Variants in KCNQ1 observed in about 807,000 individuals in gnomAD.
KCNQ1 encodes the protein potassium voltage-gated channel subfamily Q member 1, also known as potassium voltage-gated channel subfamily KQT member 1.
KCNQ1 carries 49 observed loss-of-function variants against 72.4 expected under a neutral mutation model. That is an observed-to-expected ratio of 0.68 (90% confidence interval 0.54 to 0.86). The LOEUF (loss-of-function observed/expected upper bound fraction) is 0.86. Ranked by LOEUF, KCNQ1 falls within the 40% of genes least tolerant of loss-of-function variation. The probability of loss-of-function intolerance (pLI) is 0.00; values close to 1 mark genes in which losing one functional copy is unlikely to be tolerated. For missense variants in KCNQ1, 790 were observed against 945.1 expected (o/e 0.84, Z 2.15); for synonymous variants, 450 against 412.6 (o/e 1.09, Z -1.10).
chr11:2,708,926 A>G (rs1041151501), intron 11 of KCNQ1, among the ~76,000 whole-genome samples: 16 of 151,950 alleles, frequency 1.1e-4, no homozygotes, highest in Non-Finnish European at 1.9e-4. Flanking sequence ...TTGGAGTGCA[A>G]TCTTTTTTTG....
chr11:2,517,933 C>A (rs1478284936), intron 1 of KCNQ1, among the ~76,000 whole-genome samples: 1 of 152,232 alleles, frequency 6.6e-6, no homozygotes, highest in Non-Finnish European at 1.5e-5. Context: ...CTAGGCTGAG[C>A]CTGTGGTGTG....
Position 2,516,318 on chromosome 11 carries a change from G to A in KCNQ1, c.387-11610G>A, listed in dbSNP as rs6578270. Among the ~76,000 whole-genome samples, 121,570 of 151,900 alleles carry A rather than the reference G, an allele frequency of 0.8. 48,903 individuals are homozygous for A. The highest frequency in any genetic ancestry group is 0.88 in the African/African-American group (36,375 of 41,430). On this transcript the variant is annotated intron_variant, in intron 1 of 15. Transcript: ENST00000155840. The surrounding 1 kb of genome is among the most constrained non-coding windows in gnomAD (Gnocchi z 7.0). ...ATGAAGTTTAGAGGCGACAGGAGGA[G>A]GTGGGCTTTAAATGGCTCAGTCCCA... is the stretch of plus-strand genomic sequence containing the variant.
intron 10 of KCNQ1, among the ~76,000 whole-genome samples, chr11:2,591,611 C>G (rs377247866): frequency 6.6e-6 from 1 of 152,210 alleles, no homozygotes; most frequent in Non-Finnish European, 1.5e-5. Flanking sequence ...GGAGAAGCAT[C>G]GCTTGCTGCT....
At chr11:2,534,001 C>T (rs1589935042) in intron 2 of KCNQ1, among the ~76,000 whole-genome samples, 1 of 152,208 alleles carries the variant, frequency 6.6e-6, no homozygotes, top group East Asian at 1.9e-4. Flanking sequence ...TCTGCTGAGG[C>T]TCCCTCCGCC....
chr11:2,811,091 T>A (rs1306980628), intron 15 of KCNQ1, among the ~76,000 whole-genome samples: 1 of 152,184 alleles, frequency 6.6e-6, no homozygotes, highest in East Asian at 1.9e-4. Context: ...CGGGTGGGCG[T>A]GGACCCTAGC....
At position 2,725,998 on chromosome 11, in the gene KCNQ1, G is replaced by A. The variant is rs1057513486; in HGVS notation, c.1515-42846G>A. On this transcript the variant is annotated intron_variant, in intron 11 of 15. Transcript: ENST00000155840. This position sits in a 1 kb window ranked among gnomAD's most constrained non-coding sequence, Gnocchi z 7.2. Reference sequence around the variant, plus strand: ...TCGCCAAGAAAAACAGCAGGCTAAAGACCCCTGATTTCTTCATGAATTCCA... The same window carrying A: ...TCGCCAAGAAAAACAGCAGGCTAAAAACCCCTGATTTCTTCATGAATTCCA... Among the ~76,000 whole-genome samples, 13 of 152,230 alleles carry A rather than the reference G, an allele frequency of 8.5e-5. No homozygotes were observed. The highest frequency in any genetic ancestry group is 3.1e-4 in the African/African-American group (13 of 41,460).
chr11:2,729,162 G>A (rs921844142), intron 11 of KCNQ1, among the ~76,000 whole-genome samples: 5 of 152,242 alleles, frequency 3.3e-5, no homozygotes, highest in African/African-American at 7.2e-5. Flanking sequence ...ACCTGTTGCC[G>A]AGAAGCTGCT....
At position 2,613,733 on chromosome 11, in the gene KCNQ1, A is replaced by C; in HGVS notation, c.1393+24879A>C. 1 of 398,440 alleles carries C rather than the reference A, an allele frequency of 2.5e-6. No individual in the cohort carries two copies. 24.7% of individuals were successfully genotyped at this position (398,440 alleles called of 1,614,324 possible). ...ACATATAACATTAACATACTTCCAA[A>C]AGTCAATACTAAACAAAAGGAGCTA... On this transcript the variant is annotated intron_variant, in intron 10 of 15. Transcript: ENST00000155840. This position sits in a 1 kb window ranked among gnomAD's most constrained non-coding sequence, Gnocchi z 4.8.
intron 1 of KCNQ1, among the ~76,000 whole-genome samples, chr11:2,506,316 T>C (rs539340219): frequency 1.3e-5 from 2 of 152,324 alleles, no homozygotes; most frequent in East Asian, 1.9e-4. Context: ...TACGTGAACT[T>C]TTTGAATTTG....
intron 10 of KCNQ1, chr11:2,622,678 C>A (rs1849194305): frequency 2.5e-6 from 1 of 398,350 alleles, no homozygotes; most frequent in Non-Finnish European, 4.4e-6. Flanking sequence ...CATTATGATT[C>A]TCTATTCGAT....
Position 2,472,260 on chromosome 11 carries a change from TAA to T in KCNQ1, c.386+26777_386+26778del, listed in dbSNP as rs150790471. Among the ~76,000 whole-genome samples, 96 of 151,906 alleles carry T rather than the reference TAA, an allele frequency of 6.3e-4. No homozygotes were observed. In the East Asian group the frequency reaches 0.011, roughly 17 times the overall value. ...ATGGGTGTGTGTGCACCCATGTGTA[TAA>T]GTGTATGTGCACATGTGTATAGGTG... is the stretch of plus-strand genomic sequence containing the variant. On this transcript the variant is annotated intron_variant, in intron 1 of 15. Transcript: ENST00000155840.
At chr11:2,518,929 G>T (rs763637604) in intron 1 of KCNQ1, among the ~76,000 whole-genome samples, 1 of 152,202 alleles carries the variant, frequency 6.6e-6, no homozygotes, top group African/African-American at 2.4e-5. Flanking sequence ...GGAGCTGGAC[G>T]GGGAGGACCA....
intron 1 of KCNQ1, among the ~76,000 whole-genome samples, chr11:2,469,305 C>T (rs186846818): frequency 1.3e-5 from 2 of 151,952 alleles, no homozygotes; most frequent in Non-Finnish European, 2.9e-5. Flanking sequence ...TCTCACTCTC[C>T]GTCTCCCAGG....
rs1264157302 is a variant in KCNQ1 at position 2,742,011 on chromosome 11, A to G, written c.1515-26833A>G. ...CCCCCAGAACTCTTGGCTCTCATGT[A>G]TATGAGTCAGCGTTGACTGTTTAAC... On this transcript the variant is annotated intron_variant, in intron 11 of 15. Coordinates refer to ENST00000155840, the MANE Select transcript of KCNQ1 (RefSeq NM_000218.3). 7.2e-5 allele frequency among the ~76,000 whole-genome samples: 11 copies of G among 152,244 alleles called. 1 individual carries two copies. In the South Asian group the frequency reaches 1.0e-3, roughly 14 times the overall value.
At chr11:2,797,708 C>T (rs1465175185) in intron 15 of KCNQ1, among the ~76,000 whole-genome samples, 1 of 152,160 alleles carries the variant, frequency 6.6e-6, no homozygotes, top group Non-Finnish European at 1.5e-5. Flanking sequence ...TTCCTCCATT[C>T]TGCCCCTTCT....
rs1273895285 is a variant in KCNQ1 at position 2,456,966 on chromosome 11, C to CA, written c.386+11482_386+11483insA. Among the ~76,000 whole-genome samples, 189 of 106,568 alleles carry CA rather than the reference C, an allele frequency of 1.8e-3. 2 individuals carry two copies. Among genetic ancestry groups the CA allele is most frequent in the Non-Finnish European group, 3.2e-3 (170 of 52,344 alleles). 69.9% of individuals were successfully genotyped at this position (106,568 alleles called of 152,430 possible). Reference sequence around the variant, plus strand: ...AAAAAAAAAAAAAAAAAAAAAAAAACCCAAAAAAACAAAAAGTGGGCAAAA... The same window carrying CA: ...AAAAAAAAAAAAAAAAAAAAAAAAACACCAAAAAAACAAAAAGTGGGCAAAA... On this transcript the variant is annotated intron_variant, in intron 1 of 15. Coordinates refer to ENST00000155840, the MANE Select transcript of KCNQ1 (RefSeq NM_000218.3).
intron 15 of KCNQ1, among the ~76,000 whole-genome samples, chr11:2,838,948 G>A (rs376884515): frequency 2.0e-5 from 3 of 152,158 alleles, no homozygotes; most frequent in Non-Finnish European, 2.9e-5. Context: ...CCTGCCCGAC[G>A]TTCCTGCCCG....
rs1846327518 is a variant in KCNQ1, at chr11:2,464,741, G to A, written c.386+19257G>A. Among the ~76,000 whole-genome samples the A allele has an allele frequency of 6.6e-6, 1 of 152,196 alleles. No individual in the cohort carries two copies. The highest frequency in any genetic ancestry group is 6.5e-5 in the Admixed American group (1 of 15,284). On this transcript the variant is annotated intron_variant, in intron 1 of 15. Transcript: ENST00000155840. This position sits in a 1 kb window ranked among gnomAD's most constrained non-coding sequence, Gnocchi z 5.0. ...GATGCTGGTGGGAAGAACAGTCTGG[G>A]CGAGGAGGAAAGGGTGGCTCTGCTG...
At position 2,658,817 on chromosome 11, in the gene KCNQ1, A is replaced by G; in HGVS notation, c.1394-3144A>G. The G allele has an allele frequency of 2.5e-6, 1 of 398,488 alleles. No individual in the cohort carries two copies. Among genetic ancestry groups the G allele is most frequent in the Admixed American group, 4.4e-5 (1 of 22,722 alleles). The allele number at this position is 398,488 out of a possible 1,614,324, so 24.7% of individuals were successfully genotyped here. A position where few individuals can be genotyped will look rare whatever the true frequency, so the allele number is the denominator to read the frequency against. On this transcript the variant is annotated intron_variant, in intron 10 of 15. Transcript: ENST00000155840. The surrounding 1 kb of genome is among the most constrained non-coding windows in gnomAD (Gnocchi z 4.9). ...TTGCCCCCTCCCCCACAACTTATTTATAGCTTTTTCTCTGACAGCTAGAAA... is the reference window on the plus strand; with the variant it reads ...TTGCCCCCTCCCCCACAACTTATTTGTAGCTTTTTCTCTGACAGCTAGAAA...
Sources: allele counts gnomAD v4.1 joint callset (sites outside exome capture counted in the v4.1 genomes callset), GRCh38; gene constraint gnomAD v4.1.1; non-coding constraint Gnocchi (gnomAD v3.1); transcripts MANE v1.5; gene names NCBI Gene and HGNC (gene_info 2026-07-23, HGNC 2026-07-21).